The following NEXMIF variants were observed in gnomAD, a reference collection of about 807,000 sequenced individuals.
NEXMIF encodes the protein XLMR protein related to neurite extension.
In NEXMIF, 8 loss-of-function variants were observed where a neutral mutation model predicts 62.1. The observed-to-expected ratio is 0.13, with a 90% CI of 0.08 to 0.23. The LOEUF is 0.23. NEXMIF is among the 10% of genes least tolerant of loss of function. The pLI is 1.00. For synonymous variants in NEXMIF, 404 were observed against 416.6 expected, an observed-to-expected ratio of 0.97 and a Z score of 0.37; for missense variants, 976 against 1,113.3, an observed-to-expected ratio of 0.88 and a Z score of 1.75.
intron 1 of NEXMIF, among the ~76,000 whole-genome samples, chrX:74,827,112 T>C (rs963270664): frequency 8.9e-6 from 1 of 112,450 alleles, no homozygotes; most frequent in Non-Finnish European, 1.9e-5. Flanking sequence ...AGCTTTTCCC[T>C]TTCACTGACA....
At chrX:74,855,979 G>A (rs1444983833) in intron 1 of NEXMIF, among the ~76,000 whole-genome samples, 1 of 112,047 alleles carries the variant, frequency 8.9e-6, no homozygotes, top group African/African-American at 3.3e-5. Context: ...ATGCTACATT[G>A]TATTATTCAA....
intron 1 of NEXMIF, among the ~76,000 whole-genome samples, chrX:74,919,107 A>C (rs764937758): frequency 8.9e-6 from 1 of 112,134 alleles, no homozygotes; most frequent in East Asian, 2.8e-4. Context: ...TCTAAACCTA[A>C]GTTTCTCCTG....
At chrX:74,771,819 C>T (rs778390888) in intron 1 of NEXMIF, among the ~76,000 whole-genome samples, 1 of 110,805 alleles carries the variant, frequency 9.0e-6, no homozygotes, top group South Asian at 3.8e-4. Context: ...TTAACTCTCA[C>T]TCTGTGTGTG....
chrX:74,878,593 T>C (rs1226495664), intron 1 of NEXMIF, among the ~76,000 whole-genome samples: 1 of 112,798 alleles, frequency 8.9e-6, no homozygotes, highest in East Asian at 2.8e-4. Context: ...CCAGCCTCGC[T>C]GCCACCTTGC....
At chrX:74,860,107 T>G (rs1330523846) in intron 1 of NEXMIF, among the ~76,000 whole-genome samples, 1 of 111,067 alleles carries the variant, frequency 9.0e-6, no homozygotes, top group Non-Finnish European at 1.9e-5. Context: ...TTGAATAAAT[T>G]TTTAAAAAGG....
intron 1 of NEXMIF, among the ~76,000 whole-genome samples, chrX:74,918,579 C>CA (rs1264285506): frequency 9.0e-6 from 1 of 111,689 alleles, no homozygotes; most frequent in South Asian, 3.7e-4. Flanking sequence ...TTGACTCAAA[C>CA]AAAAAAATCC....
At chrX:74,795,416 A>G (rs2080303242) in intron 1 of NEXMIF, among the ~76,000 whole-genome samples, 2 of 112,489 alleles carry the variant, frequency 1.8e-5, no homozygotes, top group Non-Finnish European at 1.9e-5. Context: ...GCATTTTGCT[A>G]GGAGACAGAA....
chrX:74,824,466 A>G (rs997505507), intron 1 of NEXMIF, among the ~76,000 whole-genome samples: 1 of 112,114 alleles, frequency 8.9e-6, no homozygotes, highest in Non-Finnish European at 1.9e-5. Flanking sequence ...AAGGCTGAAT[A>G]GCATTCCATT....
chrX:74,762,235 T>A (rs4598420), intron 1 of NEXMIF, among the ~76,000 whole-genome samples: 1 of 107,771 alleles, frequency 9.3e-6, no homozygotes, highest in African/African-American at 3.4e-5. Flanking sequence ...TTTGTCCTTG[T>A]GATAGTTTGC....
At chrX:74,878,230 C>T (rs1416003047) in intron 1 of NEXMIF, among the ~76,000 whole-genome samples, 1 of 110,405 alleles carries the variant, frequency 9.1e-6, no homozygotes, top group Non-Finnish European at 1.9e-5. Flanking sequence ...AGCTGCAGGT[C>T]TGTTGGAGTA....
chrX:74,889,761 T>C (rs189279575), intron 1 of NEXMIF, among the ~76,000 whole-genome samples: 73 of 111,290 alleles, frequency 6.6e-4, no homozygotes, highest in Admixed American at 1.5e-3. Flanking sequence ...AGATCTACAC[T>C]GGTAGGTCTG....
At chrX:74,831,282 T>A (rs940116852) in intron 1 of NEXMIF, among the ~76,000 whole-genome samples, 1 of 110,224 alleles carries the variant, frequency 9.1e-6, no homozygotes, top group African/African-American at 3.3e-5. Flanking sequence ...CATGTTGGTG[T>A]GCTGTACCCA....
intron 1 of NEXMIF, among the ~76,000 whole-genome samples, chrX:74,775,013 G>A (rs984902118): frequency 1.8e-5 from 2 of 111,784 alleles, no homozygotes; most frequent in Non-Finnish European, 3.8e-5. Flanking sequence ...GGACTAAGCA[G>A]TGTCATTCTG....
At chrX:74,855,978 T>C (rs1311950892) in intron 1 of NEXMIF, among the ~76,000 whole-genome samples, 2 of 112,204 alleles carry the variant, frequency 1.8e-5, no homozygotes, top group Non-Finnish European at 3.8e-5. Flanking sequence ...TATGCTACAT[T>C]GTATTATTCA....
chrX:74,887,299 T>C (rs1472716311), intron 1 of NEXMIF, among the ~76,000 whole-genome samples: 2 of 110,400 alleles, frequency 1.8e-5, no homozygotes, highest in Non-Finnish European at 3.8e-5. Flanking sequence ...AATTGACAAA[T>C]GGGATCTAAT....
At chrX:74,858,914 C>T (rs2080545219) in intron 1 of NEXMIF, among the ~76,000 whole-genome samples, 1 of 108,448 alleles carries the variant, frequency 9.2e-6, no homozygotes, top group Admixed American at 1.0e-4. Context: ...ATTGATCAAG[C>T]AGAAGAAAGA....
chrX:74,833,144 G>A (rs2080444323), intron 1 of NEXMIF, among the ~76,000 whole-genome samples: 1 of 111,888 alleles, frequency 8.9e-6, no homozygotes, highest in African/African-American at 3.2e-5. Flanking sequence ...CTATAGAGAA[G>A]ATTAAGTTCC....
chrX:74,751,622 G>GT (rs2080142937), intron 1 of NEXMIF, among the ~76,000 whole-genome samples: 5 of 79,668 alleles, frequency 6.3e-5, no homozygotes, highest in Admixed American at 4.4e-4. Context: ...CTACCATCAC[G>GT]CCCTTCCTTC....
intron 1 of NEXMIF, among the ~76,000 whole-genome samples, chrX:74,794,717 C>T (rs185400537): frequency 4.5e-5 from 5 of 111,732 alleles, no homozygotes; most frequent in Admixed American, 1.9e-4. Context: ...GCGCCATATT[C>T]GGGTGGGAGT....
Sources: gnomAD v4.1 joint callset for allele counts (sites outside exome capture counted in the v4.1 genomes callset) on GRCh38, gnomAD v4.1.1 for gene constraint, MANE v1.5 for transcripts, NCBI Gene and HGNC (gene_info 2026-07-23, HGNC 2026-07-21) for gene names.